PDE5A: variants seen among roughly 807,000 people sequenced by gnomAD.
The protein encoded by PDE5A is phosphodiesterase 5A.
In PDE5A, 67 loss-of-function variants were observed where a neutral mutation model predicts 110.2. The observed-to-expected ratio is 0.61, with a 90% CI of 0.50 to 0.75. The LOEUF is 0.75. Ranked by LOEUF, PDE5A falls within the 30% of genes least tolerant of loss-of-function variation. The pLI is 0.00. For missense variants in PDE5A, 862 were observed against 1,045.1 expected (o/e 0.82, Z 2.42); for synonymous variants, 328 against 351.2 (o/e 0.93, Z 0.74).
intron 14 of PDE5A, among the ~76,000 whole-genome samples, chr4:119,515,729 AT>A (rs1725887640): frequency 6.6e-6 from 1 of 151,852 alleles, no homozygotes; most frequent in African/African-American, 2.4e-5. Context: ...AAATTAAAAA[AT>A]TTTTTTCTCC....
Position 119,547,826 on chromosome 4 carries a change from C to T in PDE5A, c.1396+4724G>A, listed in dbSNP as rs537062689. On this transcript the variant is annotated intron_variant, in intron 9 of 20. Transcript: ENST00000354960. ...GGCCAACAATTCTGCTTTTCAGAAA[C>T]GACTGACTTTATGTTGCATATCACC... is the stretch of plus-strand genomic sequence containing the variant. Among the ~76,000 whole-genome samples, 28 of 152,028 alleles carry T rather than the reference C, an allele frequency of 1.8e-4. No homozygotes were observed. The South Asian group carries it at 3.3e-3, about 18-fold the overall frequency.
intron 2 of PDE5A, among the ~76,000 whole-genome samples, chr4:119,601,421 G>T (rs1329627279): frequency 6.6e-6 from 1 of 152,084 alleles, no homozygotes; most frequent in African/African-American, 2.4e-5. Context: ...TCTGGAGAAG[G>T]CATAGAAGCT....
At chr4:119,532,414 CT>C (rs1335566045) in intron 11 of PDE5A, among the ~76,000 whole-genome samples, 3 of 152,050 alleles carry the variant, frequency 2.0e-5, no homozygotes, top group African/African-American at 7.2e-5. Flanking sequence ...CCACATTTTA[CT>C]TTTTTCATTA....
intron 3 of PDE5A, chr4:119,569,552 T>G (rs1728070361): frequency 6.7e-6 from 1 of 149,672 alleles, no homozygotes; most frequent in South Asian, 2.1e-4. Flanking sequence ...ACCAGGAAAA[T>G]ATAGTTGGTC....
At chr4:119,606,014 A>C (rs1261316496) in intron 2 of PDE5A, among the ~76,000 whole-genome samples, 2 of 152,242 alleles carry the variant, frequency 1.3e-5, no homozygotes, top group African/African-American at 2.4e-5. Flanking sequence ...TAAAACTAAA[A>C]TTCCATTAAT....
In PDE5A at chr4:119,494,826, C is replaced by T. The variant is rs1347976191; in HGVS notation, c.*3775G>A. 3.9e-5 allele frequency: 6 copies of T among 152,474 alleles called. No homozygotes were observed. The highest frequency in any genetic ancestry group is 3.9e-4 in the Admixed American group (6 of 15,252). 9.4% of individuals were successfully genotyped at this position (152,474 alleles called of 1,614,324 possible). A position where few individuals can be genotyped will look rare whatever the true frequency, so the allele number is the denominator to read the frequency against. The stretch of plus-strand genomic sequence containing the variant: ...TTTCAACTATTTACATTGCTTTCAA[C>T]AACATTCATTAAGACATGTTTACAC... On this transcript the variant is annotated 3_prime_UTR_variant, in exon 21 of 21. Coordinates refer to ENST00000354960, the MANE Select transcript of PDE5A (RefSeq NM_001083.4).
At chr4:119,566,244 G>C (rs182140004) in intron 4 of PDE5A, among the ~76,000 whole-genome samples, 1 of 152,018 alleles carries the variant, frequency 6.6e-6, no homozygotes, top group Non-Finnish European at 1.5e-5. Flanking sequence ...ATAACAAGGG[G>C]AGCAACACAG....
intron 10 of PDE5A, among the ~76,000 whole-genome samples, chr4:119,540,500 C>CT (rs397702145): frequency 6.6e-6 from 1 of 150,478 alleles, no homozygotes; most frequent in Non-Finnish European, 1.5e-5. Flanking sequence ...TGGTGGTTCC[C>CT]AAGAAAAGCT....
At chr4:119,612,777 T>A (rs1290428293) in intron 1 of PDE5A, among the ~76,000 whole-genome samples, 1 of 152,220 alleles carries the variant, frequency 6.6e-6, no homozygotes, top group African/African-American at 2.4e-5. Context: ...CATCTGAAAC[T>A]GTGAGCAACA....
chr4:119,601,424 T>C (rs62319649), intron 2 of PDE5A, among the ~76,000 whole-genome samples: 62,098 of 151,890 alleles, frequency 0.41, 13,064 homozygotes, highest in South Asian at 0.64. Context: ...GGAGAAGGCA[T>C]AGAAGCTCTG....
chr4:119,533,717 G>T (rs1024826590), intron 11 of PDE5A, among the ~76,000 whole-genome samples: 2 of 152,074 alleles, frequency 1.3e-5, no homozygotes, highest in Non-Finnish European at 2.9e-5. Flanking sequence ...ACCGACTATA[G>T]AAAGTTTTAT....
At chr4:119,502,504 A>C in intron 19 of PDE5A, 77 bp downstream of exon 19, 1 of 805,790 alleles carries the variant, frequency 1.2e-6, no homozygotes, top group Non-Finnish European at 2.1e-6. Flanking sequence ...GAAAGATCCC[A>C]TAGAGCCATA....
chr4:119,568,121 A>G (rs1279961155), intron 3 of PDE5A, among the ~76,000 whole-genome samples: 1 of 151,994 alleles, frequency 6.6e-6, no homozygotes, highest in African/African-American at 2.4e-5. Flanking sequence ...TAGTCTTCTT[A>G]ACATTTTTCT....
chr4:119,502,592 T>C lies in PDE5A; in HGVS notation c.2395A>G (p.Ile799Val), dbSNP rs199517948. 1 of 1,595,926 alleles carries C rather than the reference T, an allele frequency of 6.3e-7. No individual in the cohort carries two copies. The highest frequency in any genetic ancestry group is 8.6e-7 in the Non-Finnish European group (1 of 1,164,068). ...QGDRERKELN[I>V]EPTDLMNREK... ...GGTTTCATACTTACAGTGGGTTCTA[T>C]GTTGAGTTCTTTTCTCTCTCTGTCT... The change falls in exon 19 of 21, where the codon ATA becomes GTA. Residue 799 changes from isoleucine (I) to valine (V), a missense_variant. By Grantham distance (29) the Ile-to-Val change is conservative. Transcript: ENST00000354960.
intron 2 of PDE5A, among the ~76,000 whole-genome samples, chr4:119,605,203 T>C (rs955306857): frequency 6.6e-6 from 1 of 152,186 alleles, no homozygotes; most frequent in Non-Finnish European, 1.5e-5. Flanking sequence ...AGCTCCTTCA[T>C]GTCCAGATTC....
intron 16 of PDE5A, among the ~76,000 whole-genome samples, chr4:119,507,245 A>T (rs1253327904): frequency 6.6e-6 from 1 of 151,886 alleles, no homozygotes; most frequent in African/African-American, 2.4e-5. Context: ...GGTATAAAGG[A>T]GTCATGAAAT....
At chr4:119,521,303 A>G (rs956989413) in intron 12 of PDE5A, among the ~76,000 whole-genome samples, 3 of 152,000 alleles carry the variant, frequency 2.0e-5, no homozygotes, top group Non-Finnish European at 4.4e-5. Flanking sequence ...TACCATGCTA[A>G]TTAAATTGAT....
intron 3 of PDE5A, among the ~76,000 whole-genome samples, chr4:119,568,838 T>C (rs926025006): frequency 6.6e-6 from 1 of 152,194 alleles, no homozygotes; most frequent in African/African-American, 2.4e-5. Context: ...TACATTGATA[T>C]GCTATCTGTA....
At position 119,525,778 on chromosome 4, in the gene PDE5A, G is replaced by A; in HGVS notation, c.1633-83C>T. The A allele has an allele frequency of 7.3e-7, 1 of 1,373,312 alleles. No homozygotes were observed. Among genetic ancestry groups the A allele is most frequent in the Non-Finnish European group, 1.0e-6 (1 of 1,000,774 alleles). 85.1% of individuals were successfully genotyped at this position (1,373,312 alleles called of 1,614,324 possible). On this transcript the variant is annotated intron_variant, in intron 11 of 20. Coordinates refer to ENST00000354960, the MANE Select transcript of PDE5A (RefSeq NM_001083.4). The surrounding 1 kb of genome is among the most constrained non-coding windows in gnomAD (Gnocchi z 4.3). ...CAAGGTTTTCTTGTTTTGCTGCAGA[G>A]AAATAGCATATTGTGGCTTTTTTTT... is the stretch of plus-strand genomic sequence containing the variant.
Sources: gnomAD v4.1 joint callset for allele counts (sites outside exome capture counted in the v4.1 genomes callset) on GRCh38, gnomAD v4.1.1 for gene constraint, Gnocchi (gnomAD v3.1) non-coding constraint, MANE v1.5 for transcripts, NCBI Gene and HGNC (gene_info 2026-07-23, HGNC 2026-07-21) for gene names.